The following TRIM5 variants were observed in gnomAD, a reference collection of about 807,000 sequenced individuals.
TRIM5 encodes tripartite motif containing 5.
A neutral mutation model predicts 35.6 loss-of-function variants in TRIM5; 31 were observed. The ratio of observed to expected loss-of-function variants is 0.87; its 90% CI spans 0.65 to 1.18. TRIM5 has a LOEUF of 1.18. Ranked by LOEUF, TRIM5 falls within the 50% of genes most tolerant of loss-of-function variation. The probability of loss-of-function intolerance (pLI) is 0.00; values close to 1 mark genes in which losing one functional copy is unlikely to be tolerated. For missense variants in TRIM5, 609 were observed against 591.6 expected (o/e 1.03, Z -0.31); for synonymous variants, 243 against 215.6 (o/e 1.13, Z -1.11).
chr11:5,664,903 T>C lies in TRIM5; in HGVS notation c.1388A>G (p.Lys463Arg). 6.2e-7 allele frequency: 1 copy of C among 1,613,982 alleles called. No homozygotes were observed. Among genetic ancestry groups the C allele is most frequent in the Non-Finnish European group, 8.5e-7 (1 of 1,179,986 alleles). The stretch of plus-strand genomic sequence containing the variant: ...CTGAGAAAAAGAACAGTGAGAAAAC[T>C]TATAGATGAGAAATCCATGGTTTGT... ...NITNHGFLIY[K>R]FSHCSFSQPV... Residue 463 changes from lysine to arginine, a missense_variant, in exon 8 of 8, where the codon AAG (lysine) becomes AGG (arginine). Lys to Arg is a conservative substitution (Grantham distance 26). Coordinates refer to ENST00000380034, the MANE Select transcript of TRIM5 (RefSeq NM_033034.3).
the TRIM5 span, chr11:5,643,121 A>ATG: frequency 8.7e-7 from 1 of 1,149,140 alleles, no homozygotes; most frequent in Non-Finnish European, 1.1e-6. Flanking sequence ...ATACATATAT[A>ATG]TATATTTTTT....
the TRIM5 span, among the ~76,000 whole-genome samples, chr11:5,646,976 C>T: frequency 1.3e-5 from 2 of 152,078 alleles, no homozygotes; most frequent in African/African-American, 2.4e-5. Flanking sequence ...CTTAACAAAA[C>T]GATTTAATGT....
chr11:5,678,040 T>C, intron 4 of TRIM5, 164 bp downstream of exon 4: 1 of 605,672 alleles, frequency 1.7e-6, no homozygotes. Context: ...GGATTATCTC[T>C]TGCTACTTCT....
At chr11:5,634,659 T>C in the TRIM5 span, 1 of 1,613,698 alleles carries the variant, frequency 6.2e-7, no homozygotes, top group South Asian at 1.1e-5. Flanking sequence ...AGACAAAGGA[T>C]ACAAACAGAA....
the TRIM5 span, chr11:5,610,002 G>A: frequency 1.3e-6 from 1 of 755,814 alleles, no homozygotes; most frequent in Non-Finnish European, 2.1e-6. Flanking sequence ...TGGCTCCAGT[G>A]CCAGGGCTGT....
chr11:5,608,307 A>C, the TRIM5 span: 1 of 1,603,376 alleles, frequency 6.2e-7, no homozygotes, highest in Non-Finnish European at 8.5e-7. Context: ...GGGACATGGA[A>C]GGAGAAATGT....
chr11:5,635,445 A>G, the TRIM5 span, among the ~76,000 whole-genome samples: 11 of 151,962 alleles, frequency 7.2e-5, no homozygotes, highest in Non-Finnish European at 1.3e-4. Flanking sequence ...TTTAGTAAAC[A>G]TGGGGTTTCA....
chr11:5,647,980 T>C, the TRIM5 span, among the ~76,000 whole-genome samples: 1 of 152,178 alleles, frequency 6.6e-6, no homozygotes, highest in African/African-American at 2.4e-5. Flanking sequence ...ATGCGATTTA[T>C]TCTCGGTAGT....
rs1397530973 is a variant in TRIM5, at chr11:5,665,597, T to C, written c.895+59A>G. 3.8e-6 allele frequency: 6 copies of C among 1,583,962 alleles called. No individual in the cohort carries two copies. The South Asian group carries it at 7.1e-5, about 19-fold the overall frequency. On this transcript the variant is annotated intron_variant, in intron 7 of 7. Coordinates refer to ENST00000380034, the MANE Select transcript of TRIM5 (RefSeq NM_033034.3). The stretch of plus-strand genomic sequence containing the variant: ...ATAGAGAACATAAAATTCTAAAAGA[T>C]AAAGATAATAATAATGATAAGCCGC...
At chr11:5,605,877 C>T in the TRIM5 span, among the ~76,000 whole-genome samples, 1 of 152,176 alleles carries the variant, frequency 6.6e-6, no homozygotes, top group Admixed American at 6.5e-5. Context: ...GCACTATTTA[C>T]ATTTCTGGCT....
chr11:5,623,495 G>T, the TRIM5 span, among the ~76,000 whole-genome samples: 1 of 150,786 alleles, frequency 6.6e-6, no homozygotes, highest in Non-Finnish European at 1.5e-5. Flanking sequence ...AGCCTCCTGA[G>T]TAGCTGGGAT....
the TRIM5 span, chr11:5,605,699 T>TC: frequency 9.0e-7 from 1 of 1,116,132 alleles, no homozygotes; most frequent in South Asian, 1.7e-5. Flanking sequence ...ATAGTGCCTA[T>TC]CCCCTATTAA....
At chr11:5,671,088 T>C (rs1157586295) in intron 4 of TRIM5, among the ~76,000 whole-genome samples, 4 of 151,842 alleles carry the variant, frequency 2.6e-5, no homozygotes, top group Non-Finnish European at 4.4e-5. Context: ...TAGGTGAGCA[T>C]GGTAGTGCGG....
At position 5,665,311 on chromosome 11, in the gene TRIM5, A is replaced by G; in HGVS notation, c.980T>C (p.Ile327Thr). Residue 327 changes from isoleucine to threonine, a missense_variant, in exon 8 of 8, where the codon ATA (isoleucine) becomes ACA (threonine). By Grantham distance (89) the Ile-to-Thr change is moderately conservative (BLOSUM62 -1). Transcript: ENST00000380034. ...KRQVSSPKPQIIYGARGTRYQ... is the reference protein window; with the variant it reads ...KRQVSSPKPQTIYGARGTRYQ... Reference sequence around the variant, plus strand: ...TCTTGTCCCTCGTGCCCCATATATTATCTGTGGTTTCGGAGAGCTCACTTG... The same window carrying G: ...TCTTGTCCCTCGTGCCCCATATATTGTCTGTGGTTTCGGAGAGCTCACTTG... 1.2e-6 allele frequency: 2 copies of G among 1,614,190 alleles called. No individual in the cohort carries two copies. Among genetic ancestry groups the G allele is most frequent in the East Asian group, 2.2e-5 (1 of 44,874 alleles).
At chr11:5,645,907 A>ATATATATATATATATATC in the TRIM5 span, 396 of 142,300 alleles carry the variant, frequency 2.8e-3, 4 homozygotes, top group African/African-American at 0.012. Context: ...CTATATATAG[A>ATATATATATATATATATC]TATATATAGA....
chr11:5,596,537 CCCCCTT>C, the TRIM5 span: 4 of 13,972 alleles, frequency 2.9e-4, no homozygotes, highest in Non-Finnish European at 6.3e-4. Context: ...CTTCCCCCTT[CCCCCTT>C]CCCCCTTCCC....
At chr11:5,668,528 C>T (rs1851320202) in intron 4 of TRIM5, among the ~76,000 whole-genome samples, 1 of 152,062 alleles carries the variant, frequency 6.6e-6, no homozygotes, top group African/African-American at 2.4e-5. Context: ...CGGGTCACTG[C>T]AACCTCCGCC....
the TRIM5 span, among the ~76,000 whole-genome samples, chr11:5,605,970 G>T: frequency 2.0e-5 from 3 of 152,144 alleles, no homozygotes; most frequent in African/African-American, 7.2e-5. Flanking sequence ...CTAGATGTCA[G>T]CAGCACCACC....
chr11:5,597,059 G>T, the TRIM5 span: 6 of 1,345,074 alleles, frequency 4.5e-6, no homozygotes, highest in East Asian at 2.4e-5. Flanking sequence ...CCCCACTGAG[G>T]TTAGAGACAT....
Sources: allele counts gnomAD v4.1 joint callset (sites outside exome capture counted in the v4.1 genomes callset), GRCh38; gene constraint gnomAD v4.1.1; transcripts MANE v1.5; gene names NCBI Gene and HGNC (gene_info 2026-07-23, HGNC 2026-07-21).